EIF4G3: variants seen among roughly 807,000 people sequenced by gnomAD.
EIF4G3 encodes the protein eukaryotic translation initiation factor 4 gamma 3.
In EIF4G3, 34 loss-of-function variants were observed where a neutral mutation model predicts 186.4. The observed-to-expected ratio is 0.18, with a 90% CI of 0.14 to 0.24. The LOEUF is 0.24. EIF4G3 is among the 10% of genes least tolerant of loss of function. The probability of loss-of-function intolerance (pLI) is 1.00; values close to 1 mark genes in which losing one functional copy is unlikely to be tolerated. For missense variants in EIF4G3, 1,536 were observed against 1,948.5 expected (o/e 0.79, Z 3.99); for synonymous variants, 673 against 679.5 (o/e 0.99, Z 0.15).
At chr1:21,114,597 AAGT>A (rs748621234) in intron 2 of EIF4G3, among the ~76,000 whole-genome samples, 5 of 152,190 alleles carry the variant, frequency 3.3e-5, no homozygotes, top group Non-Finnish European at 5.9e-5. Context: ...TCACTCACAC[AAGT>A]GTTATTCATT....
chr1:20,836,736 T>C lies in EIF4G3; in HGVS notation c.4061+4120A>G, dbSNP rs2066865374. Reference sequence around the variant, plus strand: ...CACTCTAATTTTTACAACCTTGGTCTTCATTTGTTTATTATACTTTCAAAG... The same window carrying C: ...CACTCTAATTTTTACAACCTTGGTCCTCATTTGTTTATTATACTTTCAAAG... On this transcript the variant is annotated intron_variant, in intron 30 of 36. Transcript: ENST00000602326. Among the ~76,000 whole-genome samples, 4 of 152,368 alleles carry C rather than the reference T, an allele frequency of 2.6e-5. No individual in the cohort carries two copies. The South Asian group carries it at 8.3e-4, about 32-fold the overall frequency.
At chr1:20,915,736 T>TA (rs1251180524) in intron 14 of EIF4G3, among the ~76,000 whole-genome samples, 1 of 152,150 alleles carries the variant, frequency 6.6e-6, no homozygotes, top group Non-Finnish European at 1.5e-5. Flanking sequence ...ATCTAGATAA[T>TA]AAGAAACTGA....
chr1:21,059,040 TCA>T (rs1355413502), intron 3 of EIF4G3, among the ~76,000 whole-genome samples: 1 of 152,028 alleles, frequency 6.6e-6, no homozygotes, highest in Non-Finnish European at 1.5e-5. Context: ...TAGTAATTAA[TCA>T]GTTACTAAAA....
chr1:20,880,395 C>T (rs2081993053), intron 19 of EIF4G3, among the ~76,000 whole-genome samples: 2 of 152,042 alleles, frequency 1.3e-5, no homozygotes, highest in African/African-American at 2.4e-5. Flanking sequence ...CAATAAATAA[C>T]CAGAAATTAA....
At chr1:20,905,024 A>C in intron 14 of EIF4G3, 53 bp from the exon 15 acceptor site, 1 of 1,360,156 alleles carries the variant, frequency 7.4e-7, no homozygotes, top group South Asian at 1.2e-5. Context: ...ATTCTGAGAA[A>C]TATTAGGTCT....
chr1:20,951,930 A>G (rs557993661), intron 12 of EIF4G3, among the ~76,000 whole-genome samples: 4 of 152,192 alleles, frequency 2.6e-5, no homozygotes, highest in Non-Finnish European at 5.9e-5. Context: ...TCTATGTATA[A>G]AGAGTCGTAA....
intron 12 of EIF4G3, among the ~76,000 whole-genome samples, chr1:20,955,608 G>A (rs1366908273): frequency 6.6e-6 from 1 of 152,104 alleles, no homozygotes; most frequent in Non-Finnish European, 1.5e-5. Flanking sequence ...TTACAAGAAT[G>A]CAATTTTCAA....
chr1:21,031,415 G>A (rs1276991621), intron 4 of EIF4G3, among the ~76,000 whole-genome samples: 2 of 150,530 alleles, frequency 1.3e-5, no homozygotes, highest in Non-Finnish European at 3.0e-5. Context: ...GGGAGAGAGA[G>A]CTGTTTATGC....
intron 33 of EIF4G3, among the ~76,000 whole-genome samples, chr1:20,820,053 A>ACCT (rs2061946253): frequency 6.6e-6 from 1 of 151,008 alleles, no homozygotes; most frequent in Non-Finnish European, 1.5e-5. Flanking sequence ...TTGGGATGGA[A>ACCT]GCTGCCTGTG....
chr1:21,114,384 C>T (rs1283731112), intron 2 of EIF4G3, among the ~76,000 whole-genome samples: 1 of 152,186 alleles, frequency 6.6e-6, no homozygotes, highest in Non-Finnish European at 1.5e-5. Flanking sequence ...CCGCCTCGGC[C>T]TCCCAAAGTG....
intron 22 of EIF4G3, among the ~76,000 whole-genome samples, chr1:20,863,333 G>C (rs1263394559): frequency 1.5e-5 from 2 of 130,530 alleles, no homozygotes; most frequent in Non-Finnish European, 3.1e-5. Flanking sequence ...AGGAGTTTAA[G>C]ACCAGCCTAG....
At chr1:20,896,104 C>G (rs1008104915) in intron 16 of EIF4G3, among the ~76,000 whole-genome samples, 1 of 151,776 alleles carries the variant, frequency 6.6e-6, no homozygotes, top group East Asian at 1.9e-4. Flanking sequence ...AAGAAAAATC[C>G]TTAACAAGTA....
chr1:20,965,700 T>C (rs1057166967), intron 12 of EIF4G3, among the ~76,000 whole-genome samples: 2 of 68,316 alleles, frequency 2.9e-5, no homozygotes, highest in Non-Finnish European at 8.2e-5. Flanking sequence ...ATGGTGTCTC[T>C]GTGGTAAAGC....
chr1:20,849,025 C>G (rs1238072437), intron 29 of EIF4G3, among the ~76,000 whole-genome samples: 2 of 107,394 alleles, frequency 1.9e-5, no homozygotes, highest in Non-Finnish European at 3.4e-5. Context: ...CCAGCCTGGG[C>G]AACACAGCAA....
intron 2 of EIF4G3, chr1:21,174,667 C>G (rs2103107462): frequency 6.6e-6 from 1 of 152,260 alleles, no homozygotes; most frequent in East Asian, 1.9e-4. Context: ...GTAGGCAAAC[C>G]AGCCAATCTT....
rs181082984 is a variant in EIF4G3 at position 20,970,385 on chromosome 1, G to A, written c.592-789C>T. Among the ~76,000 whole-genome samples the A allele has an allele frequency of 5.2e-3, 786 of 151,868 alleles. 7 individuals carry two copies. The highest frequency in any genetic ancestry group is 0.018 in the African/African-American group (755 of 41,438). On this transcript the variant is annotated intron_variant, in intron 11 of 36. Coordinates refer to ENST00000602326, the MANE Select transcript of EIF4G3 (RefSeq NM_001391906.1). ...TCCCAGCACTTTGGGAGGCTGAGGC[G>A]GGCGGATCATAAGGTCAGGAGATCA...
At chr1:21,169,801 A>G (rs931360579) in intron 2 of EIF4G3, 6 of 151,710 alleles carry the variant, frequency 4.0e-5, no homozygotes, top group Admixed American at 1.3e-4. Flanking sequence ...TGAATGCTGT[A>G]AGTGAGTTGT....
At chr1:21,051,056 G>A in intron 3 of EIF4G3, 62 bp from the exon 4 acceptor site, 1 of 705,988 alleles carries the variant, frequency 1.4e-6, no homozygotes, top group South Asian at 1.5e-5. Flanking sequence ...AATAAATACA[G>A]CTGAACTATC....
intron 14 of EIF4G3, among the ~76,000 whole-genome samples, chr1:20,914,038 G>A (rs2093589930): frequency 6.6e-6 from 1 of 151,422 alleles, no homozygotes; most frequent in South Asian, 2.1e-4. Flanking sequence ...TCGATCTCCT[G>A]ACCTCGTGAT....
Sources: allele counts gnomAD v4.1 joint callset (sites outside exome capture counted in the v4.1 genomes callset), GRCh38; gene constraint gnomAD v4.1.1; transcripts MANE v1.5; gene names NCBI Gene and HGNC (gene_info 2026-07-23, HGNC 2026-07-21).